GABRB2: variants seen among roughly 807,000 people sequenced by gnomAD.
GABRB2 encodes the protein gamma-aminobutyric acid receptor subunit beta-2.
In GABRB2, 16 loss-of-function variants were observed where a neutral mutation model predicts 54.7. That is an observed-to-expected ratio of 0.29 (90% CI 0.20 to 0.44). GABRB2 has a LOEUF of 0.44. Ranked by LOEUF, GABRB2 falls within the 20% of genes least tolerant of loss-of-function variation. The probability of loss-of-function intolerance (pLI) is 1.00; values close to 1 mark genes in which losing one functional copy is unlikely to be tolerated. For missense variants in GABRB2, 355 were observed against 644.0 expected, an observed-to-expected ratio of 0.55 and a Z score of 4.86; for synonymous variants, 244 against 233.8, an observed-to-expected ratio of 1.04 and a Z score of -0.40.
intron 9 of GABRB2, among the ~76,000 whole-genome samples, chr5:161,322,151 A>G (rs1388963039): frequency 4.6e-5 from 7 of 152,170 alleles, no homozygotes; most frequent in Non-Finnish European, 1.0e-4. Flanking sequence ...TATAGTAATA[A>G]AAATATGGGG....
At chr5:161,422,675 A>G (rs979563241) in intron 4 of GABRB2, among the ~76,000 whole-genome samples, 1 of 152,134 alleles carries the variant, frequency 6.6e-6, no homozygotes, top group Non-Finnish European at 1.5e-5. Context: ...TTATTAAGAG[A>G]ATTTTCCCTA....
At chr5:161,448,065 C>T (rs1219569218) in intron 4 of GABRB2, among the ~76,000 whole-genome samples, 2 of 152,090 alleles carry the variant, frequency 1.3e-5, no homozygotes, top group African/African-American at 4.8e-5. Context: ...GATGTTTGTG[C>T]AGCCTTGAAA....
intron 3 of GABRB2, among the ~76,000 whole-genome samples, chr5:161,503,530 G>A (rs1255098695): frequency 1.3e-5 from 2 of 151,978 alleles, no homozygotes; most frequent in Non-Finnish European, 2.9e-5. Flanking sequence ...CCAACTTGGA[G>A]AAACCTCGTC....
intron 9 of GABRB2, among the ~76,000 whole-genome samples, chr5:161,308,015 C>T (rs910832510): frequency 4.6e-5 from 7 of 151,942 alleles, no homozygotes; most frequent in Admixed American, 3.9e-4. Context: ...CCCACCACCA[C>T]ACCCGGCTAA....
chr5:161,387,394 G>A (rs1755678582), intron 5 of GABRB2, among the ~76,000 whole-genome samples: 1 of 152,088 alleles, frequency 6.6e-6, no homozygotes. Context: ...CTGCAGCCTG[G>A]TATCCTCTAG....
intron 3 of GABRB2, among the ~76,000 whole-genome samples, chr5:161,540,442 T>G (rs1325269472): frequency 6.6e-6 from 1 of 152,242 alleles, no homozygotes; most frequent in Non-Finnish European, 1.5e-5. Context: ...CACTCAGGCC[T>G]TGAACACCTC....
Position 161,294,873 on chromosome 5 carries a change from C to A in GABRB2, c.1192-445G>T, listed in dbSNP as rs188444732. 1.4e-3 allele frequency among the ~76,000 whole-genome samples: 210 copies of A among 152,138 alleles called. 1 individual carries two copies. Among genetic ancestry groups the A allele is most frequent in the African/African-American group, 4.7e-3 (197 of 41,508 alleles). On this transcript the variant is annotated intron_variant, in intron 9 of 9. Coordinates refer to ENST00000393959, the MANE Select transcript of GABRB2 (RefSeq NM_001371727.1). ...AGCCTAATTATAGATGAATTAATAA[C>A]AAAACTAGAACTAAAAATAGTGGGT...
chr5:161,498,155 C>T (rs1464237902), intron 3 of GABRB2, among the ~76,000 whole-genome samples: 1 of 151,866 alleles, frequency 6.6e-6, no homozygotes, highest in Non-Finnish European at 1.5e-5. Flanking sequence ...TGTTTCAGAC[C>T]TATGTGAAAC....
At chr5:161,509,467 C>G (rs564112451) in intron 3 of GABRB2, among the ~76,000 whole-genome samples, 4 of 151,782 alleles carry the variant, frequency 2.6e-5, no homozygotes, top group African/African-American at 9.7e-5. Flanking sequence ...TAAGGCATCA[C>G]TTTCTCTGAA....
At chr5:161,368,372 T>G (rs1283148712) in intron 5 of GABRB2, among the ~76,000 whole-genome samples, 5 of 152,274 alleles carry the variant, frequency 3.3e-5, no homozygotes, top group Non-Finnish European at 5.9e-5. Flanking sequence ...TGTTAGATAT[T>G]ACAGCTTAGG....
intron 3 of GABRB2, among the ~76,000 whole-genome samples, chr5:161,497,281 C>A (rs1405299413): frequency 6.6e-6 from 1 of 152,116 alleles, no homozygotes; most frequent in African/African-American, 2.4e-5. Flanking sequence ...GCAAACCTCT[C>A]CCAAACCCTG....
At chr5:161,486,703 C>A (rs1326230699) in intron 3 of GABRB2, among the ~76,000 whole-genome samples, 1 of 151,884 alleles carries the variant, frequency 6.6e-6, no homozygotes, top group Non-Finnish European at 1.5e-5. Flanking sequence ...GACAGATATG[C>A]TTTTCCCTCC....
chr5:161,500,486 G>A (rs1351899102), intron 3 of GABRB2, among the ~76,000 whole-genome samples: 4 of 152,084 alleles, frequency 2.6e-5, no homozygotes, highest in Non-Finnish European at 2.9e-5. Flanking sequence ...TGTGTAATCT[G>A]TAACAGGGAA....
chr5:161,542,118 A>T (rs1470851389), intron 3 of GABRB2, among the ~76,000 whole-genome samples: 1 of 152,216 alleles, frequency 6.6e-6, no homozygotes, highest in Non-Finnish European at 1.5e-5. Context: ...CACAACATTT[A>T]TCCATTAAGT....
chr5:161,394,747 A>G (rs1755943941), intron 5 of GABRB2, among the ~76,000 whole-genome samples: 1 of 152,068 alleles, frequency 6.6e-6, no homozygotes, highest in African/African-American at 2.4e-5. Context: ...GGCCCAGATG[A>G]CTTTAGTTGG....
chr5:161,364,514 T>A (rs1299313479), intron 5 of GABRB2, among the ~76,000 whole-genome samples: 5 of 152,186 alleles, frequency 3.3e-5, no homozygotes, highest in South Asian at 2.1e-4. Context: ...ATATGTAGGA[T>A]GATCACTTAA....
chr5:161,529,968 C>T (rs1381344121), intron 3 of GABRB2, among the ~76,000 whole-genome samples: 2 of 152,068 alleles, frequency 1.3e-5, no homozygotes, highest in African/African-American at 4.8e-5. Context: ...AGGCCTTCTG[C>T]TATTTCTCAA....
chr5:161,469,518 C>A lies in GABRB2; in HGVS notation c.238-9674G>T, dbSNP rs76626751. On this transcript the variant is annotated intron_variant, in intron 3 of 9. Coordinates refer to ENST00000393959, the MANE Select transcript of GABRB2 (RefSeq NM_001371727.1). ...GTTTCCTCTTAAAAACCAAAAAAAA[C>A]CAAAAAACAAAAAACAAAAAGAAAA... is the stretch of plus-strand genomic sequence containing the variant. 4.0e-4 allele frequency among the ~76,000 whole-genome samples: 54 copies of A among 135,030 alleles called. 1 individual carries two copies. The highest frequency in any genetic ancestry group is 3.8e-3 in the Middle Eastern group (1 of 260). 88.6% of individuals were successfully genotyped at this position (135,030 alleles called of 152,430 possible). A position where few individuals can be genotyped will look rare whatever the true frequency, so the allele number is the denominator to read the frequency against.
intron 9 of GABRB2, among the ~76,000 whole-genome samples, chr5:161,302,533 A>G (rs1017669132): frequency 6.6e-5 from 10 of 152,202 alleles, no homozygotes; most frequent in African/African-American, 2.4e-4. Context: ...TGCAAAGGGG[A>G]AATGGGACTA....
Sources: gnomAD v4.1 joint callset for allele counts (sites outside exome capture counted in the v4.1 genomes callset) on GRCh38, gnomAD v4.1.1 for gene constraint, MANE v1.5 for transcripts, NCBI Gene and HGNC (gene_info 2026-07-23, HGNC 2026-07-21) for gene names.